EBF2: variants seen among roughly 807,000 people sequenced by gnomAD.
EBF2 encodes the protein transcription factor COE2.
EBF2 carries 21 observed loss-of-function variants against 72.8 expected under a neutral mutation model. The observed-to-expected ratio is 0.29, with a 90% CI of 0.20 to 0.42. The LOEUF is 0.42. Ranked by LOEUF, EBF2 falls within the 10% of genes least tolerant of loss-of-function variation. EBF2 has a pLI of 1.00. For synonymous variants in EBF2, 299 were observed against 274.2 expected, an observed-to-expected ratio of 1.09 and a Z score of -0.89; for missense variants, 637 against 731.2, an observed-to-expected ratio of 0.87 and a Z score of 1.49.
At chr8:25,980,033 C>CTAATA (rs1228528353) in intron 6 of EBF2, among the ~76,000 whole-genome samples, 2 of 152,264 alleles carry the variant, frequency 1.3e-5, no homozygotes, top group African/African-American at 4.8e-5. Context: ...CTCACACAGG[C>CTAATA]TAATAAAAAG....
intron 6 of EBF2, among the ~76,000 whole-genome samples, chr8:26,029,480 A>G (rs1250562168): frequency 6.6e-6 from 1 of 152,176 alleles, no homozygotes; most frequent in Non-Finnish European, 1.5e-5. Context: ...AGTCCTGCAA[A>G]ACCCTGTGTT....
chr8:25,852,186 G>A (rs1427563681), intron 14 of EBF2, among the ~76,000 whole-genome samples: 1 of 152,164 alleles, frequency 6.6e-6, no homozygotes, highest in Non-Finnish European at 1.5e-5. Context: ...ATATGTAAAT[G>A]AATAAAAACA....
At position 26,044,511 on chromosome 8, in the gene EBF2, C is replaced by A. The variant is rs1805667539; in HGVS notation, c.131+218G>T. The stretch of plus-strand genomic sequence containing the variant: ...AGGAGAGGGAGAGAAACGCCTACGA[C>A]CCAGGCAGTTCAGGAACTCGAGTGC... On this transcript the variant is annotated intron_variant, in intron 1 of 15. Coordinates refer to ENST00000520164, the MANE Select transcript of EBF2 (RefSeq NM_022659.4). This position sits in a 1 kb window ranked among gnomAD's most constrained non-coding sequence, Gnocchi z 4.1. Among the ~76,000 whole-genome samples, 1 of 152,232 alleles carries A rather than the reference C, an allele frequency of 6.6e-6. No homozygotes were observed. Among genetic ancestry groups the A allele is most frequent in the Admixed American group, 6.5e-5 (1 of 15,284 alleles).
At chr8:25,885,130 A>G (rs1457934172) in intron 10 of EBF2, among the ~76,000 whole-genome samples, 2 of 151,680 alleles carry the variant, frequency 1.3e-5, no homozygotes, top group Non-Finnish European at 2.9e-5. Flanking sequence ...AATACCTTTG[A>G]GTTACTCTTC....
At chr8:25,948,606 G>A (rs865970324) in intron 6 of EBF2, among the ~76,000 whole-genome samples, 16 of 152,190 alleles carry the variant, frequency 1.1e-4, no homozygotes, top group Admixed American at 3.9e-4. Context: ...CAAGATAATT[G>A]CACAGTGGTG....
At chr8:25,909,308 G>A (rs1213613130) in intron 6 of EBF2, among the ~76,000 whole-genome samples, 1 of 152,066 alleles carries the variant, frequency 6.6e-6, no homozygotes, top group East Asian at 1.9e-4. Flanking sequence ...AAAAATGGCA[G>A]AAGTGGCCTT....
chr8:25,933,121 C>T (rs1408264118), intron 6 of EBF2, among the ~76,000 whole-genome samples: 1 of 152,148 alleles, frequency 6.6e-6, no homozygotes, highest in South Asian at 2.1e-4. Context: ...CATGCTGGAG[C>T]GTTCGCGTGT....
Position 25,988,525 on chromosome 8 carries a change from C to T in EBF2, c.551+44560G>A, listed in dbSNP as rs1042544591. Reference sequence around the variant, plus strand: ...TGAGAAACAAGGGAACTAGGAGGCTCATATGATCTCAGCTTCAGTCAATGA... The same window carrying T: ...TGAGAAACAAGGGAACTAGGAGGCTTATATGATCTCAGCTTCAGTCAATGA... On this transcript the variant is annotated intron_variant, in intron 6 of 15. Coordinates refer to ENST00000520164, the MANE Select transcript of EBF2 (RefSeq NM_022659.4). Among the ~76,000 whole-genome samples the T allele has an allele frequency of 3.3e-5, 5 of 152,270 alleles. No homozygotes were observed. In the South Asian group the frequency reaches 6.2e-4, roughly 19 times the overall value.
intron 5 of EBF2, among the ~76,000 whole-genome samples, chr8:26,035,862 T>C (rs1465446491): frequency 6.6e-6 from 1 of 152,100 alleles, no homozygotes; most frequent in Non-Finnish European, 1.5e-5. Flanking sequence ...CCTAAAGCCC[T>C]TGTCTCTCTT....
At chr8:25,976,397 T>C (rs562271410) in intron 6 of EBF2, among the ~76,000 whole-genome samples, 72 of 152,304 alleles carry the variant, frequency 4.7e-4, no homozygotes, top group African/African-American at 1.7e-3. Context: ...TAGTCCCCTA[T>C]AGAACCCAAA....
chr8:25,855,208 C>T (rs983676814), intron 14 of EBF2, among the ~76,000 whole-genome samples: 2 of 152,126 alleles, frequency 1.3e-5, no homozygotes, highest in Non-Finnish European at 2.9e-5. Context: ...TGCATAGTCT[C>T]AGCTGGAACT....
intron 6 of EBF2, among the ~76,000 whole-genome samples, chr8:26,005,561 T>TATATATATATAGAGAGAGAG (rs375386709): frequency 6.3e-5 from 4 of 63,900 alleles, no homozygotes; most frequent in Admixed American, 5.6e-4. Context: ...TATATATATA[T>TATATATATATAGAGAGAGAG]AGAGAGAGAG....
chr8:25,845,549 C>CTA (rs1161780711), intron 15 of EBF2, among the ~76,000 whole-genome samples: 3 of 152,208 alleles, frequency 2.0e-5, no homozygotes, highest in Middle Eastern at 3.2e-3. Context: ...CTTCATCACC[C>CTA]TATATGAATG....
At chr8:26,012,114 T>C (rs4458887) in intron 6 of EBF2, among the ~76,000 whole-genome samples, 148,557 of 152,244 alleles carry the variant, frequency 0.98, 72,500 homozygotes, top group East Asian at 1. Context: ...TCTTTGCAAG[T>C]GTATCATTTC....
chr8:25,893,774 T>G (rs1802822096), intron 7 of EBF2, among the ~76,000 whole-genome samples: 1 of 152,234 alleles, frequency 6.6e-6, no homozygotes, highest in Non-Finnish European at 1.5e-5. Context: ...CCAGCTGATT[T>G]CATCATTGTC....
At chr8:25,959,644 G>A (rs1804005181) in intron 6 of EBF2, among the ~76,000 whole-genome samples, 1 of 152,178 alleles carries the variant, frequency 6.6e-6, no homozygotes. Context: ...CCATAGCTCA[G>A]CAGCCAGCTG....
intron 10 of EBF2, among the ~76,000 whole-genome samples, chr8:25,870,501 G>A (rs1332252120): frequency 1.3e-5 from 2 of 152,138 alleles, no homozygotes; most frequent in Non-Finnish European, 2.9e-5. Context: ...CAGCCAGGTA[G>A]CACCACCTTC....
chr8:25,987,552 C>T lies in EBF2; in HGVS notation c.551+45533G>A, dbSNP rs1394265624. Among the ~76,000 whole-genome samples the T allele has an allele frequency of 2.0e-5, 3 of 152,202 alleles. No homozygotes were observed. The East Asian group carries it at 5.8e-4, about 29-fold the overall frequency. ...GATTTCTAAGAACTTCTATGAGTGG[C>T]ATCATATCCATGCCCTTCAACAATC... On this transcript the variant is annotated intron_variant, in intron 6 of 15. Coordinates refer to ENST00000520164, the MANE Select transcript of EBF2 (RefSeq NM_022659.4).
chr8:25,867,361 G>A (rs746835740), intron 10 of EBF2, among the ~76,000 whole-genome samples: 7 of 152,148 alleles, frequency 4.6e-5, no homozygotes, highest in Non-Finnish European at 8.8e-5. Flanking sequence ...CTCACACTAA[G>A]GTCACCAATA....
Sources: gnomAD v4.1 joint callset for allele counts (sites outside exome capture counted in the v4.1 genomes callset) on GRCh38, gnomAD v4.1.1 for gene constraint, Gnocchi (gnomAD v3.1) non-coding constraint, MANE v1.5 for transcripts, NCBI Gene and HGNC (gene_info 2026-07-23, HGNC 2026-07-21) for gene names.